Variants in ZFHX3 observed in about 807,000 individuals in gnomAD.
ZFHX3 encodes zinc finger homeobox protein 3.
Under a neutral mutation model 279.1 loss-of-function variants are expected in ZFHX3, and 42 were observed. That is an observed-to-expected ratio of 0.15 (90% CI 0.12 to 0.19). The LOEUF is 0.19. Among genes scored for constraint, ZFHX3 ranks in the 10% least tolerant of loss-of-function variants. ZFHX3 has a pLI of 1.00. For missense variants in ZFHX3, 4,981 were observed against 4,754.0 expected (o/e 1.05, Z -1.40); for synonymous variants, 2,293 against 1,957.8 (o/e 1.17, Z -4.52).
At chr16:73,635,693 T>C (rs985861356) in intron 2 of ZFHX3, among the ~76,000 whole-genome samples, 6 of 152,210 alleles carry the variant, frequency 3.9e-5, no homozygotes, top group African/African-American at 1.4e-4. Context: ...GTGATCCTGA[T>C]TGTCTCCTGC....
At chr16:73,865,595 G>A (rs1016517164) in intron 1 of ZFHX3, among the ~76,000 whole-genome samples, 15 of 152,128 alleles carry the variant, frequency 9.9e-5, no homozygotes, top group Admixed American at 3.9e-4. Context: ...CTCACTCCCA[G>A]TTCTGGGCCA....
At chr16:72,916,770 G>A (rs2039452344) in intron 3 of ZFHX3, among the ~76,000 whole-genome samples, 1 of 152,106 alleles carries the variant, frequency 6.6e-6, no homozygotes, top group Non-Finnish European at 1.5e-5. Flanking sequence ...AATAAACATG[G>A]CAGGGACAGA....
At chr16:73,195,399 G>T (rs1968121142) in intron 5 of ZFHX3, among the ~76,000 whole-genome samples, 1 of 148,198 alleles carries the variant, frequency 6.7e-6, no homozygotes, top group Non-Finnish European at 1.5e-5. Context: ...ACAAAATATG[G>T]TTGTGTCTTT....
At position 72,795,780 on chromosome 16, in the gene ZFHX3, T is replaced by G; in HGVS notation, c.6902A>C (p.Tyr2301Ser). The change falls in exon 9 of 10, where the codon TAT (tyrosine) becomes TCT (serine). Residue 2301 changes from tyrosine to serine, a missense_variant. Tyr to Ser is a moderately radical substitution (Grantham distance 144). Around this residue, in one of 7 missense-constraint regions of ZFHX3, gnomAD observed 177 missense variants for 244.2 expected, o/e 0.72. Transcript: ENST00000268489. ...QNARQKARKN[Y>S]ENQGEGKDGE... ...ATCTTTGCCCTCTCCCTGATTCTCATAATTCTTCCTGGCCTTCTGTCGGGC... is the reference window on the plus strand; with the variant it reads ...ATCTTTGCCCTCTCCCTGATTCTCAGAATTCTTCCTGGCCTTCTGTCGGGC... The G allele has an allele frequency of 6.2e-7, 1 of 1,614,204 alleles. No homozygotes were observed. The highest frequency in any genetic ancestry group is 8.5e-7 in the Non-Finnish European group (1 of 1,180,030).
chr16:73,198,718 T>A (rs927417070), intron 5 of ZFHX3, among the ~76,000 whole-genome samples: 1 of 152,202 alleles, frequency 6.6e-6, no homozygotes, highest in Admixed American at 6.5e-5. Flanking sequence ...CAGAGGGACA[T>A]GTTGGAAGCG....
chr16:72,807,119 G>A (rs935471060), intron 7 of ZFHX3: 3 of 152,188 alleles, frequency 2.0e-5, no homozygotes, highest in Non-Finnish European at 4.4e-5. Context: ...GAAAGAATGG[G>A]AAAATAAGGG....
At chr16:73,845,478 G>A (rs1014797331) in intron 1 of ZFHX3, among the ~76,000 whole-genome samples, 3 of 151,928 alleles carry the variant, frequency 2.0e-5, no homozygotes, top group Admixed American at 6.6e-5. Flanking sequence ...TTATCTAGGT[G>A]GCCACTGGAA....
intron 4 of ZFHX3, among the ~76,000 whole-genome samples, chr16:72,844,199 A>G (rs2037420338): frequency 6.6e-6 from 1 of 152,236 alleles, no homozygotes; most frequent in South Asian, 2.1e-4. Context: ...CCAGCCACAG[A>G]GAACTAGCAA....
chr16:73,887,068 T>A (rs1007896525), intron 1 of ZFHX3, among the ~76,000 whole-genome samples: 15 of 152,206 alleles, frequency 9.9e-5, no homozygotes, highest in African/African-American at 3.6e-4. Flanking sequence ...GAGTTGTTTG[T>A]TTCACTCACT....
chr16:73,342,022 T>C (rs977922858), intron 3 of ZFHX3, among the ~76,000 whole-genome samples: 1 of 152,244 alleles, frequency 6.6e-6, no homozygotes, highest in Non-Finnish European at 1.5e-5. Flanking sequence ...GTGAATATAC[T>C]ATAATTCACT....
At chr16:73,770,651 T>C (rs2054007212) in intron 1 of ZFHX3, among the ~76,000 whole-genome samples, 1 of 152,172 alleles carries the variant, frequency 6.6e-6, no homozygotes, top group Non-Finnish European at 1.5e-5. Flanking sequence ...AACAAGATAG[T>C]AGACATTTTC....
intron 1 of ZFHX3, among the ~76,000 whole-genome samples, chr16:73,831,890 T>G (rs750323577): frequency 3.9e-5 from 6 of 152,150 alleles, no homozygotes; most frequent in Non-Finnish European, 8.8e-5. Context: ...GACTAGAGTT[T>G]CATCTGGCTT....
intron 7 of ZFHX3, among the ~76,000 whole-genome samples, chr16:73,096,450 T>C (rs1166058146): frequency 6.6e-6 from 1 of 151,222 alleles, no homozygotes; most frequent in Non-Finnish European, 1.5e-5. Context: ...TCACCCAGGG[T>C]GGAGTGCAGT....
chr16:73,782,296 G>C (rs1282922538), intron 1 of ZFHX3, among the ~76,000 whole-genome samples: 4 of 152,346 alleles, frequency 2.6e-5, no homozygotes, highest in Non-Finnish European at 1.5e-5. Context: ...ACAAGGCAGA[G>C]ACCTCTAACT....
At chr16:73,846,460 A>C (rs1961450204) in intron 1 of ZFHX3, among the ~76,000 whole-genome samples, 1 of 152,188 alleles carries the variant, frequency 6.6e-6, no homozygotes, top group African/African-American at 2.4e-5. Context: ...TCACTGTATC[A>C]AGCTGTGACT....
chr16:73,847,347 C>T (rs930117567), intron 1 of ZFHX3, among the ~76,000 whole-genome samples: 2 of 152,132 alleles, frequency 1.3e-5, no homozygotes, highest in Admixed American at 6.6e-5. Context: ...GTCCTAGGAA[C>T]ATGAGCATCA....
At chr16:73,809,291 A>C (rs998471926) in intron 1 of ZFHX3, 2 of 152,244 alleles carry the variant, frequency 1.3e-5, no homozygotes, top group Non-Finnish European at 2.9e-5. Flanking sequence ...GGGCAAATGC[A>C]GCATACGGTG....
At chr16:73,469,996 G>A (rs1003415908) in intron 2 of ZFHX3, among the ~76,000 whole-genome samples, 12 of 152,194 alleles carry the variant, frequency 7.9e-5, no homozygotes, top group Middle Eastern at 3.4e-3. Context: ...TCTAATGTGC[G>A]GAAAAGCTGG....
chr16:73,392,833 GT>G (rs2017046604), intron 3 of ZFHX3, among the ~76,000 whole-genome samples: 1 of 51,542 alleles, frequency 1.9e-5, no homozygotes, highest in Non-Finnish European at 4.8e-5. Flanking sequence ...GTGTATCTTT[GT>G]TTTTTGTTTT....
Sources: gnomAD v4.1 joint callset for allele counts (sites outside exome capture counted in the v4.1 genomes callset) on GRCh38, gnomAD v4.1.1 for gene constraint, gnomAD v4.1.1 regional missense constraint, MANE v1.5 for transcripts, NCBI Gene and HGNC (gene_info 2026-07-23, HGNC 2026-07-21) for gene names.